The following KIF9 variants were observed in gnomAD, a reference collection of about 807,000 sequenced individuals.
KIF9 encodes the protein kinesin-like protein KIF9.
A neutral mutation model predicts 94.8 loss-of-function variants in KIF9; 68 were observed. The ratio of observed to expected loss-of-function variants is 0.72; its 90% CI spans 0.59 to 0.88. KIF9 has a LOEUF of 0.88. Among genes scored for constraint, KIF9 ranks in the 40% least tolerant of loss-of-function variants. KIF9 has a pLI of 0.00. For missense variants in KIF9, 882 were observed against 982.5 expected, an observed-to-expected ratio of 0.90 and a Z score of 1.37; for synonymous variants, 343 against 362.1, an observed-to-expected ratio of 0.95 and a Z score of 0.60.
At chr3:47,257,388 T>C (rs928917193) in intron 10 of KIF9, 95 bp downstream of exon 10, 48 of 1,086,036 alleles carry the variant, frequency 4.4e-5, no homozygotes, top group Non-Finnish European at 6.6e-5. Context: ...GGATCTTTGG[T>C]TGAGGCAGGA....
rs753667965 is a variant in KIF9, at chr3:47,267,272, G to T, written c.592-9C>A. The T allele has an allele frequency of 1.3e-6, 2 of 1,598,196 alleles. No homozygotes were observed. Among genetic ancestry groups the T allele is most frequent in the East Asian group, 2.2e-5 (1 of 44,696 alleles). On this transcript the variant is annotated splice_polypyrimidine_tract_variant and intron_variant, in intron 5 of 20. Transcript: ENST00000684063. Reference sequence around the variant, plus strand: ...ATCCTGTTGGTCTCACCCTGAAGAGGAAGGGAATCATAGGCAACATTTCGA... The same window carrying T: ...ATCCTGTTGGTCTCACCCTGAAGAGTAAGGGAATCATAGGCAACATTTCGA...
intron 10 of KIF9, among the ~76,000 whole-genome samples, chr3:47,255,085 C>T (rs989270780): frequency 5.3e-5 from 8 of 152,276 alleles, no homozygotes; most frequent in African/African-American, 1.4e-4. Context: ...ACTGGTTTGT[C>T]GAGCTTAGGG....
chr3:47,239,682 G>T (rs1451530244), intron 17 of KIF9: 3 of 1,155,496 alleles, frequency 2.6e-6, no homozygotes, highest in Non-Finnish European at 3.3e-6. Context: ...CTGCCTCCTG[G>T]GCTCAAGCGA....
At chr3:47,240,339 T>C in intron 17 of KIF9, 1 of 222,162 alleles carries the variant, frequency 4.5e-6, no homozygotes, top group East Asian at 1.1e-4. Flanking sequence ...AGTGAGTCCC[T>C]TGGCTCTCTG....
chr3:47,251,579 A>C (rs1700275556), intron 10 of KIF9, among the ~76,000 whole-genome samples: 1 of 152,142 alleles, frequency 6.6e-6, no homozygotes, highest in African/African-American at 2.4e-5. Flanking sequence ...CAACAACAAC[A>C]AACAGGGACA....
intron 15 of KIF9, 93 bp from the exon 16 acceptor site, chr3:47,243,338 G>A: frequency 9.6e-7 from 1 of 1,043,680 alleles, no homozygotes. Flanking sequence ...TGACTACACT[G>A]GGAACCCCAC....
At chr3:47,273,413 T>C in intron 4 of KIF9, 139 bp downstream of exon 4, 1 of 615,582 alleles carries the variant, frequency 1.6e-6, no homozygotes, top group Non-Finnish European at 2.8e-6. Flanking sequence ...CCTGTGTATG[T>C]TGTCTCCAGT....
rs142319729 is a variant in KIF9 at position 47,243,121 on chromosome 3, G to C, written c.1639C>G (p.Arg547Gly). The change falls in exon 16 of 21, where the codon CGG (arginine) becomes GGG (glycine). Residue 547 changes from arginine (R) to glycine (G), a missense_variant. By Grantham distance (125) the Arg-to-Gly change is moderately radical. Coordinates refer to ENST00000684063, the MANE Select transcript of KIF9 (RefSeq NM_182902.4). The part of the protein sequence containing the change: ...KDGDVKDMLS[R>G]DRETSSIEPL... ...TCAATGCTGGAAGTTTCCCGGTCCC[G>C]CGAAAGCATGTCTTTGACATCCCCA... The C allele has an allele frequency of 6.2e-7, 1 of 1,613,808 alleles. No individual in the cohort carries two copies. Among genetic ancestry groups the C allele is most frequent in the Admixed American group, 1.7e-5 (1 of 59,992 alleles).
chr3:47,237,205 T>C (rs985949273), intron 17 of KIF9, among the ~76,000 whole-genome samples: 26 of 152,298 alleles, frequency 1.7e-4, no homozygotes, highest in African/African-American at 6.0e-4. Context: ...GCGATTCTCC[T>C]CCCTTAGCCT....
Position 47,243,056 on chromosome 3 carries a change from T to C in KIF9, c.1704A>G (p.Pro568=). ...AGCTAACATTAGCTGATTACCTAAT[T>C]GGGCGTAATTCCTCCTTCGGGGAGT... ...PSDSPKEELR[P]IRPDTPPSKP... The change falls in exon 16 of 21, where the codon CCA becomes CCG. Residue 568 remains proline (P), a synonymous_variant. Transcript: ENST00000684063. 6.2e-7 allele frequency: 1 copy of C among 1,602,154 alleles called. No individual in the cohort carries two copies. The highest frequency in any genetic ancestry group is 8.5e-7 in the Non-Finnish European group (1 of 1,170,094).
chr3:47,268,481 C>T (rs973666705), intron 5 of KIF9, among the ~76,000 whole-genome samples: 1 of 152,144 alleles, frequency 6.6e-6, no homozygotes, highest in Non-Finnish European at 1.5e-5. Context: ...GTGGCCATAC[C>T]TCTATAGCTT....
Position 47,240,742 on chromosome 3 carries a change from T to C in KIF9, c.1924+59A>G, listed in dbSNP as rs970720591. On this transcript the variant is annotated intron_variant, in intron 17 of 20. Coordinates refer to ENST00000684063, the MANE Select transcript of KIF9 (RefSeq NM_182902.4). ...CCTCTAGTGCCAAGGGCTGTTCTGC[T>C]TCAACCAGCATGACTCTGAGACCCC... is the stretch of plus-strand genomic sequence containing the variant. 3 of 1,458,896 alleles carry C rather than the reference T, an allele frequency of 2.1e-6. No homozygotes were observed. In the African/African-American group the frequency reaches 4.2e-5, roughly 20 times the overall value. The allele number at this position is 1,458,896 out of a possible 1,614,324, so 90.4% of individuals were successfully genotyped here.
At chr3:47,236,178 A>C in intron 18 of KIF9, 29 bp from the exon 19 acceptor site, 1 of 1,525,406 alleles carries the variant, frequency 6.6e-7, no homozygotes, top group Non-Finnish European at 9.1e-7. Flanking sequence ...ACAGAACTTG[A>C]GGAAGCCGGT....
At chr3:47,278,233 G>A (rs905319740) in intron 1 of KIF9, among the ~76,000 whole-genome samples, 4 of 151,808 alleles carry the variant, frequency 2.6e-5, no homozygotes, top group East Asian at 1.9e-4. Flanking sequence ...CACTGTGCCC[G>A]GCTAGTTTTC....
At chr3:47,250,447 GCTTTAAAAAGCACTTGGCA>G (rs1178758655) in intron 10 of KIF9, 1 of 227,088 alleles carries the variant, frequency 4.4e-6, no homozygotes, top group Non-Finnish European at 9.7e-6. Flanking sequence ...TATTCCAAGT[GCTTTAAAAAGCACTTGGCA>G]CATAGTAAGC....
chr3:47,264,338 T>C lies in KIF9; in HGVS notation c.929A>G (p.Asn310Ser), dbSNP rs758957799. ...ALKDSLGGNC[N>S]MVLVTNIYGE... ...ATAGATGTTTGTCACGAGGACCATA[T>C]TGCAGTTTCCCCCTGCGGAAAGCAA... is the stretch of plus-strand genomic sequence containing the variant. The change falls in exon 9 of 21, where the codon AAT (asparagine) becomes AGT (serine). Residue 310 changes from asparagine to serine, a missense_variant. Coordinates refer to ENST00000684063, the MANE Select transcript of KIF9 (RefSeq NM_182902.4). The C allele has an allele frequency of 2.5e-6, 4 of 1,613,552 alleles. No individual in the cohort carries two copies. The highest frequency in any genetic ancestry group is 2.2e-5 in the East Asian group (1 of 44,888).
Position 47,260,674 on chromosome 3 carries a change from C to A in KIF9, c.982-3114G>T, listed in dbSNP as rs541503106. 2.0e-5 allele frequency among the ~76,000 whole-genome samples: 3 copies of A among 152,306 alleles called. No individual in the cohort carries two copies. The East Asian group carries it at 5.8e-4, about 29-fold the overall frequency. On this transcript the variant is annotated intron_variant, in intron 9 of 20. Coordinates refer to ENST00000684063, the MANE Select transcript of KIF9 (RefSeq NM_182902.4). ...CGAGGACACTGAAAAACAGGGAGGT[C>A]AAGGCACCCACCCATGGCCACAGAG...
chr3:47,241,650 T>TAC (rs1454384439), intron 16 of KIF9, among the ~76,000 whole-genome samples: 1 of 136,096 alleles, frequency 7.3e-6, no homozygotes, highest in Non-Finnish European at 1.7e-5. Context: ...TGTGTGTGTG[T>TAC]ATATATATAT....
intron 5 of KIF9, 120 bp downstream of exon 5, chr3:47,271,117 C>T: frequency 4.0e-6 from 3 of 752,766 alleles, no homozygotes; most frequent in Non-Finnish European, 4.3e-6. Context: ...ATACTCCAGA[C>T]TTGGAGAAAA....
Sources: gnomAD v4.1 joint callset for allele counts (sites outside exome capture counted in the v4.1 genomes callset) on GRCh38, gnomAD v4.1.1 for gene constraint, MANE v1.5 for transcripts, NCBI Gene and HGNC (gene_info 2026-07-23, HGNC 2026-07-21) for gene names.